RSRC1: variants seen among roughly 807,000 people sequenced by gnomAD.
RSRC1 encodes serine/Arginine-related protein 53.
Under a neutral mutation model 49.1 loss-of-function variants are expected in RSRC1, and 39 were observed. The ratio of observed to expected loss-of-function variants is 0.79; its 90% CI spans 0.61 to 1.04. The LOEUF (loss-of-function observed/expected upper bound fraction) is 1.04, where lower values mean the gene tolerates loss of function less well. Among genes scored for constraint, RSRC1 ranks in the 50% least tolerant of loss-of-function variants. The pLI is 0.00. For synonymous variants in RSRC1, 143 were observed against 130.8 expected (o/e 1.09, Z -0.63); for missense variants, 388 against 402.4 (o/e 0.96, Z 0.31).
chr3:158,421,858 A>C (rs1039403748), intron 6 of RSRC1, among the ~76,000 whole-genome samples: 5 of 151,774 alleles, frequency 3.3e-5, no homozygotes, highest in Non-Finnish European at 5.9e-5. Flanking sequence ...GTCATTTTGC[A>C]AATTTTTCTT....
intron 4 of RSRC1, among the ~76,000 whole-genome samples, chr3:158,261,529 C>T (rs1430400364): frequency 6.6e-6 from 1 of 152,112 alleles, no homozygotes; most frequent in Non-Finnish European, 1.5e-5. Context: ...ACACAGAGGT[C>T]CCCAGCTGGC....
At chr3:158,404,493 G>A (rs1186316317) in intron 6 of RSRC1, among the ~76,000 whole-genome samples, 1 of 151,714 alleles carries the variant, frequency 6.6e-6, no homozygotes, top group African/African-American at 2.4e-5. Context: ...GCTTTTATTG[G>A]GTCAATTGTT....
At chr3:158,254,755 C>A (rs1294349669) in intron 4 of RSRC1, among the ~76,000 whole-genome samples, 2 of 151,988 alleles carry the variant, frequency 1.3e-5, no homozygotes, top group African/African-American at 4.8e-5. Flanking sequence ...TTAATGATCG[C>A]CATTCTAACT....
chr3:158,247,028 T>G (rs986231010), intron 4 of RSRC1, among the ~76,000 whole-genome samples: 2 of 152,102 alleles, frequency 1.3e-5, no homozygotes, highest in Admixed American at 6.6e-5. Context: ...CATTCATAGA[T>G]TCAGTCTCTT....
intron 3 of RSRC1, among the ~76,000 whole-genome samples, chr3:158,142,895 C>T (rs528008487): frequency 2.6e-5 from 4 of 152,250 alleles, no homozygotes; most frequent in East Asian, 1.9e-4. Context: ...CTTAAGACAG[C>T]GATCAAGTCT....
At chr3:158,278,631 C>T (rs989602345) in intron 4 of RSRC1, among the ~76,000 whole-genome samples, 1 of 152,152 alleles carries the variant, frequency 6.6e-6, no homozygotes, top group African/African-American at 2.4e-5. Context: ...TGATGATATT[C>T]CCTGTGTCTT....
intron 3 of RSRC1, among the ~76,000 whole-genome samples, chr3:158,197,742 G>A (rs749527385): frequency 7.2e-5 from 11 of 151,960 alleles, no homozygotes; most frequent in African/African-American, 1.7e-4. Flanking sequence ...TCTTCATTTC[G>A]TTATGTACCC....
intron 3 of RSRC1, among the ~76,000 whole-genome samples, chr3:158,201,500 T>C (rs1282652062): frequency 6.6e-6 from 1 of 152,168 alleles, no homozygotes; most frequent in Non-Finnish European, 1.5e-5. Flanking sequence ...TGTTAGGCAT[T>C]TGAATCTTGT....
At chr3:158,394,427 T>G (rs1319181318) in intron 6 of RSRC1, among the ~76,000 whole-genome samples, 1 of 151,934 alleles carries the variant, frequency 6.6e-6, no homozygotes, top group Non-Finnish European at 1.5e-5. Context: ...CCAAAACTCC[T>G]ATATTTTGTA....
At position 158,129,516 on chromosome 3, in the gene RSRC1, C is replaced by T. The variant is rs561120031; in HGVS notation, c.320+5525C>T. Reference sequence around the variant, plus strand: ...ATGTTGGCCAGGCTGGTCTTGAACTCCTGACCTCAAGTGATCCGCCCGCCT... The same window carrying T: ...ATGTTGGCCAGGCTGGTCTTGAACTTCTGACCTCAAGTGATCCGCCCGCCT... On this transcript the variant is annotated intron_variant, in intron 3 of 9. Transcript: ENST00000611884. Among the ~76,000 whole-genome samples, 938 of 152,076 alleles carry T rather than the reference C, an allele frequency of 6.2e-3. 9 individuals are homozygous for T. The highest frequency in any genetic ancestry group is 0.021 in the African/African-American group (887 of 41,472).
chr3:158,503,152 C>A (rs1367577163), intron 7 of RSRC1, among the ~76,000 whole-genome samples: 1 of 152,150 alleles, frequency 6.6e-6, no homozygotes, highest in East Asian at 1.9e-4. Context: ...TGATTGTTGT[C>A]TCTCTTCTGG....
At chr3:158,542,108 C>T (rs929387551) in intron 8 of RSRC1, among the ~76,000 whole-genome samples, 1 of 151,662 alleles carries the variant, frequency 6.6e-6, no homozygotes, top group Non-Finnish European at 1.5e-5. Context: ...TAAGTAGCTC[C>T]GAGACAACCT....
At chr3:158,360,726 G>A (rs1159350137) in intron 6 of RSRC1, among the ~76,000 whole-genome samples, 1 of 152,248 alleles carries the variant, frequency 6.6e-6, no homozygotes, top group Non-Finnish European at 1.5e-5. Flanking sequence ...GATTGGAGCA[G>A]GTGCCAGGAG....
intron 6 of RSRC1, among the ~76,000 whole-genome samples, chr3:158,442,711 A>T (rs1245748473): frequency 1.3e-5 from 2 of 152,080 alleles, no homozygotes; most frequent in African/African-American, 2.4e-5. Flanking sequence ...TCCTTTCCAG[A>T]AGGTTTTCAT....
At chr3:158,319,319 C>T (rs1237543202) in intron 5 of RSRC1, among the ~76,000 whole-genome samples, 1 of 152,146 alleles carries the variant, frequency 6.6e-6, no homozygotes, top group Non-Finnish European at 1.5e-5. Flanking sequence ...CCTGCCACCA[C>T]GTAAGATGTG....
At chr3:158,158,139 T>C (rs922176820) in intron 3 of RSRC1, among the ~76,000 whole-genome samples, 4 of 152,244 alleles carry the variant, frequency 2.6e-5, no homozygotes, top group African/African-American at 9.6e-5. Context: ...ATATGTAATC[T>C]TACTTTTGCT....
intron 7 of RSRC1, among the ~76,000 whole-genome samples, chr3:158,514,039 C>T (rs1740357441): frequency 1.3e-5 from 2 of 152,082 alleles, no homozygotes; most frequent in South Asian, 4.1e-4. Context: ...AGCGGTCTAT[C>T]AATTTTGTTG....
chr3:158,203,294 G>A (rs945510617), intron 4 of RSRC1, 49 bp downstream of exon 4: 10 of 1,508,726 alleles, frequency 6.6e-6, no homozygotes, highest in South Asian at 5.2e-5. Context: ...ATTCCATGGC[G>A]ATGTTCAAAC....
chr3:158,318,177 G>A (rs1285986582), intron 5 of RSRC1, among the ~76,000 whole-genome samples: 4 of 152,008 alleles, frequency 2.6e-5, no homozygotes, highest in African/African-American at 9.7e-5. Flanking sequence ...CCCTGCCCTG[G>A]AGCATATCCA....
Sources: allele counts gnomAD v4.1 joint callset (sites outside exome capture counted in the v4.1 genomes callset), GRCh38; gene constraint gnomAD v4.1.1; transcripts MANE v1.5; gene names NCBI Gene and HGNC (gene_info 2026-07-23, HGNC 2026-07-21).